CCDC171: variants seen among roughly 807,000 people sequenced by gnomAD.
The protein encoded by CCDC171 is coiled-coil domain-containing protein 171.
CCDC171 carries 177 observed loss-of-function variants against 168.2 expected under a neutral mutation model. The ratio of observed to expected loss-of-function variants is 1.05; its 90% CI spans 0.93 to 1.19. The LOEUF is 1.19. Ranked by LOEUF, CCDC171 falls within the 50% of genes most tolerant of loss-of-function variation. CCDC171 has a pLI of 0.00. For missense variants in CCDC171, 1,991 were observed against 1,539.0 expected, an observed-to-expected ratio of 1.29 and a Z score of -4.91; for synonymous variants, 687 against 540.8, an observed-to-expected ratio of 1.27 and a Z score of -3.75.
chr9:15,979,111 C>G (rs1313172825), intron 3 of CCDC171, among the ~76,000 whole-genome samples: 2 of 152,166 alleles, frequency 1.3e-5, no homozygotes, highest in Non-Finnish European at 2.9e-5. Flanking sequence ...TATGAATAGA[C>G]CACATTTTGT....
At position 15,971,594 on chromosome 9, in the gene CCDC171, T is replaced by G. The variant is rs1443592565; in HGVS notation, c.3754-15T>G. On this transcript the variant is annotated splice_polypyrimidine_tract_variant and intron_variant, in intron 25 of 25. Transcript: ENST00000380701. ...CAACTCTATGTTTATTATTTTTTTC[T>G]TTTGTATGTCACAGATAGGATCACG... is the stretch of plus-strand genomic sequence containing the variant. The G allele has an allele frequency of 6.3e-7, 1 of 1,587,900 alleles. No homozygotes were observed. The highest frequency in any genetic ancestry group is 1.7e-5 in the Admixed American group (1 of 59,662).
intron 21 of CCDC171, among the ~76,000 whole-genome samples, chr9:15,798,127 T>C (rs1433646620): frequency 1.3e-5 from 2 of 152,146 alleles, no homozygotes; most frequent in African/African-American, 4.8e-5. Flanking sequence ...CTGTATTTGC[T>C]ATTTGGGTCC....
chr9:15,865,370 T>C (rs116618047), intron 23 of CCDC171, among the ~76,000 whole-genome samples: 1,345 of 133,522 alleles, frequency 0.01, 17 homozygotes, highest in African/African-American at 0.034. Flanking sequence ...TATATATATG[T>C]ATATTTGTCA....
chr9:16,053,631 G>C (rs565104085), intron 1 of CCDC171, among the ~76,000 whole-genome samples: 1 of 152,328 alleles, frequency 6.6e-6, no homozygotes, highest in East Asian at 1.9e-4. Context: ...TGCCTCCTGA[G>C]CACGGCCCCT....
At chr9:15,602,477 A>G (rs577104556) in intron 6 of CCDC171, among the ~76,000 whole-genome samples, 1 of 152,192 alleles carries the variant, frequency 6.6e-6, no homozygotes, top group Non-Finnish European at 1.5e-5. Flanking sequence ...CAGACCCACC[A>G]TAAAAAGAAA....
intron 8 of CCDC171, among the ~76,000 whole-genome samples, chr9:15,661,110 C>T (rs1013922557): frequency 6.6e-6 from 1 of 152,058 alleles, no homozygotes; most frequent in Non-Finnish European, 1.5e-5. Context: ...GAAACCCCAT[C>T]CCTACTAAAA....
At chr9:15,985,436 C>T (rs1369314106) in intron 3 of CCDC171, among the ~76,000 whole-genome samples, 1 of 152,190 alleles carries the variant, frequency 6.6e-6, no homozygotes, top group Non-Finnish European at 1.5e-5. Flanking sequence ...GACAGTCCTT[C>T]ATCTGGGTTT....
intron 25 of CCDC171, among the ~76,000 whole-genome samples, chr9:15,920,746 G>T (rs1025413760): frequency 1.3e-5 from 2 of 151,686 alleles, no homozygotes; most frequent in African/African-American, 4.8e-5. Context: ...AAGATTCAGT[G>T]TGTCCCATTA....
the CCDC171 span, among the ~76,000 whole-genome samples, chr9:16,074,917 C>G: frequency 6.6e-6 from 1 of 152,162 alleles, no homozygotes; most frequent in African/African-American, 2.4e-5. Flanking sequence ...ACCAAATGCT[C>G]TAAGTACAAA....
downstream of CCDC171, among the ~76,000 whole-genome samples, chr9:16,062,679 T>C (rs983367139): frequency 2.0e-5 from 3 of 152,220 alleles, no homozygotes; most frequent in African/African-American, 4.8e-5. Context: ...GGACTTGTGG[T>C]ACACACTTCA....
chr9:15,598,285 T>G (rs577478955), intron 6 of CCDC171, among the ~76,000 whole-genome samples: 5 of 152,300 alleles, frequency 3.3e-5, no homozygotes, highest in Admixed American at 1.3e-4. Flanking sequence ...TGTGGGCATT[T>G]AGTGCTGTAA....
chr9:15,644,701 G>A (rs978241873), intron 7 of CCDC171, among the ~76,000 whole-genome samples: 7 of 152,170 alleles, frequency 4.6e-5, no homozygotes, highest in East Asian at 3.9e-4. Context: ...GGGGAGGAGC[G>A]CCCACCATTG....
chr9:16,103,324 C>T, the CCDC171 span, among the ~76,000 whole-genome samples: 313 of 152,306 alleles, frequency 2.1e-3, no homozygotes, highest in Admixed American at 3.7e-3. Flanking sequence ...GCAGGGAGAT[C>T]TGGGTTCCTT....
chr9:15,928,547 C>G (rs1419613223), intron 25 of CCDC171, among the ~76,000 whole-genome samples: 2 of 151,674 alleles, frequency 1.3e-5, no homozygotes, highest in Admixed American at 6.6e-5. Context: ...AATATTTACT[C>G]CTTTTGCTTT....
chr9:15,621,710 A>G (rs1044756179), intron 6 of CCDC171, among the ~76,000 whole-genome samples: 5 of 152,232 alleles, frequency 3.3e-5, no homozygotes, highest in African/African-American at 9.6e-5. Context: ...CCATTGTGGA[A>G]AACAATGTGG....
intron 3 of CCDC171, among the ~76,000 whole-genome samples, chr9:16,016,676 AT>A (rs1356295669): frequency 1.3e-5 from 2 of 152,146 alleles, no homozygotes; most frequent in Non-Finnish European, 2.9e-5. Context: ...TGTCTGTTGG[AT>A]TTCCCTAATA....
rs2059590533 is a variant in CCDC171, at chr9:15,817,182, G to A, written c.3268-29520G>A. On this transcript the variant is annotated intron_variant, in intron 21 of 25. Transcript: ENST00000380701. ...AAATCAAAACCAAGAACCTTTGCCA[G>A]TGTGACAGATAAGAAAAGGTGTACA... Among the ~76,000 whole-genome samples, 2 of 118,110 alleles carry A rather than the reference G, an allele frequency of 1.7e-5. 1 individual carries two copies. Among genetic ancestry groups the A allele is most frequent in the Non-Finnish European group, 3.8e-5 (2 of 52,506 alleles). The allele number at this position is 118,110 out of a possible 152,430, so 77.5% of individuals were successfully genotyped here.
chr9:15,957,390 A>T (rs1363539714), intron 25 of CCDC171, among the ~76,000 whole-genome samples: 1 of 152,182 alleles, frequency 6.6e-6, no homozygotes, highest in East Asian at 1.9e-4. Context: ...CGCAGACTGG[A>T]ACACAGTTAG....
the CCDC171 span, among the ~76,000 whole-genome samples, chr9:16,085,181 G>A: frequency 1.3e-5 from 2 of 152,130 alleles, no homozygotes; most frequent in Non-Finnish European, 2.9e-5. Context: ...CTTATCTATC[G>A]ACACTCCATC....
Sources: gnomAD v4.1 joint callset for allele counts (sites outside exome capture counted in the v4.1 genomes callset) on GRCh38, gnomAD v4.1.1 for gene constraint, MANE v1.5 for transcripts, NCBI Gene and HGNC (gene_info 2026-07-23, HGNC 2026-07-21) for gene names.